Variants in ENDOD1 observed in about 807,000 individuals in gnomAD.
ENDOD1 encodes endonuclease domain-containing 1 protein.
Under a neutral mutation model 6.5 loss-of-function variants are expected in ENDOD1, and 9 were observed. The observed-to-expected ratio is 1.39, with a 90% CI of 0.84 to 2.43. The LOEUF (loss-of-function observed/expected upper bound fraction) is 2.43. Ranked by LOEUF, ENDOD1 falls within the 30% of genes most tolerant of loss-of-function variation. The pLI, the probability that ENDOD1 is intolerant of heterozygous loss-of-function variation, is 0.00. For missense variants in ENDOD1, 648 were observed against 635.5 expected (o/e 1.02, Z -0.21); for synonymous variants, 255 against 255.2 (o/e 1.00, Z 0.01).
Position 95,129,270 on chromosome 11 carries a change from C to T in ENDOD1, c.1194C>T (p.Pro398=), listed in dbSNP as rs1859345902. The T allele has an allele frequency of 6.2e-7, 1 of 1,614,160 alleles. No individual in the cohort carries two copies. Among genetic ancestry groups the T allele is most frequent in the African/African-American group, 1.3e-5 (1 of 75,036 alleles). The change falls in exon 2 of 2, where the codon CCC becomes CCT. Residue 398 remains proline (P), a synonymous_variant. Coordinates refer to ENST00000278505, the MANE Select transcript of ENDOD1 (RefSeq NM_015036.3). ...TTGGGGAAGAGTTGGTGAGCATTCC[C>T]TGGAAGGTGCTCAAGGTCGTGGCCA... The part of the protein sequence containing the change: ...MAIGEELVSI[P]WKVLKVVAKV...
intron 1 of ENDOD1, among the ~76,000 whole-genome samples, chr11:95,091,632 T>G (rs1555109882): frequency 6.6e-6 from 1 of 152,158 alleles, no homozygotes; most frequent in East Asian, 1.9e-4. Flanking sequence ...ATGGACAGCT[T>G]GGGGAGACAG....
At chr11:95,120,642 T>C (rs12225273) in intron 1 of ENDOD1, among the ~76,000 whole-genome samples, 39,402 of 151,436 alleles carry the variant, frequency 0.26, 5,184 homozygotes, top group Non-Finnish European at 0.28. Flanking sequence ...AGGGGAGGGG[T>C]GATGCCAGCA....
intron 1 of ENDOD1, among the ~76,000 whole-genome samples, chr11:95,114,366 G>A (rs1215663990): frequency 6.8e-6 from 1 of 147,576 alleles, no homozygotes; most frequent in Non-Finnish European, 1.5e-5. Context: ...TTTTCCTATG[G>A]AGTTGTTTGA....
intron 1 of ENDOD1, among the ~76,000 whole-genome samples, chr11:95,122,844 T>G (rs967399770): frequency 3.9e-5 from 6 of 152,182 alleles, no homozygotes; most frequent in African/African-American, 1.4e-4. Context: ...GGAGATAGCA[T>G]AGTGAGCAAA....
intron 1 of ENDOD1, among the ~76,000 whole-genome samples, chr11:95,112,400 T>C (rs1388264621): frequency 3.9e-5 from 6 of 152,240 alleles, no homozygotes; most frequent in African/African-American, 1.2e-4. Context: ...TTTGATGACT[T>C]TGTACCTGCC....
chr11:95,102,704 G>C (rs1555111019), intron 1 of ENDOD1, among the ~76,000 whole-genome samples: 1 of 149,352 alleles, frequency 6.7e-6, no homozygotes, highest in Non-Finnish European at 1.5e-5. Flanking sequence ...ACAAAGAAGT[G>C]CTAAGCTTAA....
At chr11:95,108,031 A>C (rs1344871501) in intron 1 of ENDOD1, among the ~76,000 whole-genome samples, 1 of 152,206 alleles carries the variant, frequency 6.6e-6, no homozygotes. Context: ...TGTGATGAGC[A>C]GCCAGAGGTG....
intron 1 of ENDOD1, among the ~76,000 whole-genome samples, chr11:95,096,212 TGTTAGTCA>T (rs1858981893): frequency 6.8e-6 from 1 of 147,600 alleles, no homozygotes; most frequent in Non-Finnish European, 1.5e-5. Flanking sequence ...CTAGAATTAC[TGTTAGTCA>T]AGAAAGCTTT....
intron 1 of ENDOD1, among the ~76,000 whole-genome samples, chr11:95,115,083 G>A (rs1555112344): frequency 6.6e-6 from 1 of 152,178 alleles, no homozygotes; most frequent in East Asian, 1.9e-4. Context: ...ATTGCTTTGG[G>A]TAGTATGGAC....
chr11:95,108,533 C>A (rs376818868), intron 1 of ENDOD1, among the ~76,000 whole-genome samples: 3,527 of 121,462 alleles, frequency 0.029, 62 homozygotes, highest in Non-Finnish European at 0.031. Flanking sequence ...ACACAGACAC[C>A]CAAAAAAAGA....
At chr11:95,114,440 A>G (rs1859183211) in intron 1 of ENDOD1, among the ~76,000 whole-genome samples, 2 of 152,326 alleles carry the variant, frequency 1.3e-5, no homozygotes, top group Middle Eastern at 3.4e-3. Context: ...ATTTTATCCC[A>G]TACTGTGGGT....
chr11:95,123,413 CAG>C (rs1306933741), intron 1 of ENDOD1, among the ~76,000 whole-genome samples: 1 of 151,118 alleles, frequency 6.6e-6, no homozygotes, highest in Non-Finnish European at 1.5e-5. Flanking sequence ...AGTAAGAAAA[CAG>C]AATCAGATTG....
intron 1 of ENDOD1, among the ~76,000 whole-genome samples, chr11:95,113,304 C>A (rs1859168262): frequency 6.6e-6 from 1 of 152,030 alleles, no homozygotes; most frequent in African/African-American, 2.4e-5. Flanking sequence ...ACTATATTCA[C>A]CCTATTGTGC....
chr11:95,115,972 G>A (rs1555112452), intron 1 of ENDOD1, among the ~76,000 whole-genome samples: 2 of 152,030 alleles, frequency 1.3e-5, no homozygotes, highest in African/African-American at 4.8e-5. Context: ...GTCTTTATCT[G>A]GTTTTGGTAT....
chr11:95,109,528 A>C (rs1859126217), intron 1 of ENDOD1, among the ~76,000 whole-genome samples: 1 of 152,272 alleles, frequency 6.6e-6, no homozygotes, highest in African/African-American at 2.4e-5. Context: ...ATAATTGGGC[A>C]CTGGCCCTGG....
chr11:95,120,044 C>T (rs1859247222), intron 1 of ENDOD1, among the ~76,000 whole-genome samples: 1 of 152,158 alleles, frequency 6.6e-6, no homozygotes. Flanking sequence ...GTTGCTTGGC[C>T]TGGGACTTAC....
intron 1 of ENDOD1, among the ~76,000 whole-genome samples, chr11:95,094,113 T>C (rs749794372): frequency 8.1e-5 from 12 of 148,798 alleles, no homozygotes; most frequent in Non-Finnish European, 1.8e-4. Context: ...TGGAAGGAAC[T>C]GAATATATAA....
chr11:95,102,221 G>C (rs1859047297), intron 1 of ENDOD1, among the ~76,000 whole-genome samples: 1 of 152,200 alleles, frequency 6.6e-6, no homozygotes, highest in South Asian at 2.1e-4. Flanking sequence ...CTCACATTTA[G>C]AGGGCCTTGA....
intron 1 of ENDOD1, among the ~76,000 whole-genome samples, chr11:95,124,038 C>T (rs975429628): frequency 1.3e-5 from 2 of 151,680 alleles, no homozygotes; most frequent in Non-Finnish European, 2.9e-5. Flanking sequence ...TTGAAGTCAA[C>T]CAGTAGAAGC....
Sources: allele counts gnomAD v4.1 joint callset (sites outside exome capture counted in the v4.1 genomes callset), GRCh38; gene constraint gnomAD v4.1.1; transcripts MANE v1.5; gene names NCBI Gene and HGNC (gene_info 2026-07-23, HGNC 2026-07-21).